The following RBL1 variants were observed in gnomAD, a reference collection of about 807,000 sequenced individuals.
RBL1 encodes RB transcriptional corepressor like 1.
In RBL1, 82 loss-of-function variants were observed where a neutral mutation model predicts 123.0. The observed-to-expected ratio is 0.67, with a 90% confidence interval of 0.56 to 0.80. The LOEUF (loss-of-function observed/expected upper bound fraction) is 0.80. Ranked by LOEUF, RBL1 falls within the 30% of genes least tolerant of loss-of-function variation. The pLI, the probability that RBL1 is intolerant of heterozygous loss-of-function variation, is 0.00. For synonymous variants in RBL1, 405 were observed against 441.3 expected, an observed-to-expected ratio of 0.92 and a Z score of 1.03; for missense variants, 1,171 against 1,299.6, an observed-to-expected ratio of 0.90 and a Z score of 1.52.
intron 13 of RBL1, among the ~76,000 whole-genome samples, chr20:37,042,094 AAGTG>A: frequency 6.6e-6 from 1 of 151,424 alleles, no homozygotes; most frequent in Non-Finnish European, 1.5e-5. Flanking sequence ...AAAAAAAAGA[AAGTG>A]AAAAGACAAC....
intron 12 of RBL1, among the ~76,000 whole-genome samples, chr20:37,044,554 G>C (rs1376177116): frequency 6.6e-6 from 1 of 152,138 alleles, no homozygotes; most frequent in Admixed American, 6.6e-5. Context: ...GGCTAGGCTG[G>C]TCTAGAACTC....
intron 11 of RBL1, among the ~76,000 whole-genome samples, chr20:37,051,098 C>T (rs944176812): frequency 2.6e-5 from 4 of 152,038 alleles, no homozygotes; most frequent in Non-Finnish European, 5.9e-5. Flanking sequence ...TCATACTACA[C>T]AGCATACATA....
At chr20:37,092,582 A>C (rs1381105317) in intron 1 of RBL1, among the ~76,000 whole-genome samples, 1 of 151,992 alleles carries the variant, frequency 6.6e-6, no homozygotes, top group Admixed American at 6.6e-5. Flanking sequence ...CTGGTCTCAA[A>C]CTCCTGGGCT....
intron 2 of RBL1, among the ~76,000 whole-genome samples, chr20:37,081,201 T>C (rs1568889166): frequency 6.6e-6 from 1 of 152,202 alleles, no homozygotes; most frequent in Non-Finnish European, 1.5e-5. Context: ...TCCTTTGTAA[T>C]ATTCCCCCCT....
At chr20:37,043,865 G>A (rs904137645) in intron 13 of RBL1, among the ~76,000 whole-genome samples, 1 of 152,010 alleles carries the variant, frequency 6.6e-6, no homozygotes, top group African/African-American at 2.4e-5. Context: ...AGAAGATTCG[G>A]GGGTAGGGAA....
chr20:37,063,401 C>G (rs1159286609), intron 7 of RBL1, among the ~76,000 whole-genome samples: 1 of 151,962 alleles, frequency 6.6e-6, no homozygotes, highest in Admixed American at 6.6e-5. Flanking sequence ...GTAATCCTAG[C>G]ACTTTGGGAG....
intron 14 of RBL1, among the ~76,000 whole-genome samples, chr20:37,038,725 C>G (rs1473159888): frequency 2.6e-5 from 4 of 151,276 alleles, no homozygotes; most frequent in African/African-American, 9.7e-5. Flanking sequence ...GCCTCAACCT[C>G]CTGAGTAGCT....
intron 21 of RBL1, among the ~76,000 whole-genome samples, chr20:36,999,724 C>T (rs1188896759): frequency 1.3e-5 from 2 of 152,348 alleles, no homozygotes; most frequent in African/African-American, 4.8e-5. Context: ...CAGCTCCTAA[C>T]CGCGAGTGAT....
chr20:37,046,099 GT>G (rs2064815733), intron 12 of RBL1, among the ~76,000 whole-genome samples: 2 of 152,158 alleles, frequency 1.3e-5, no homozygotes, highest in African/African-American at 4.8e-5. Flanking sequence ...AAAAATAAAG[GT>G]AAGGTAAGTA....
In RBL1 at chr20:36,998,353, TA is replaced by T. The variant is rs1568804171; in HGVS notation, c.*405del. 1 of 154,150 alleles carries T rather than the reference TA, an allele frequency of 6.5e-6. No homozygotes were observed. Among genetic ancestry groups the T allele is most frequent in the African/African-American group, 2.4e-5 (1 of 41,456 alleles). The allele number at this position is 154,150 out of a possible 1,614,324, so 9.5% of individuals were successfully genotyped here. A position where few individuals can be genotyped will look rare whatever the true frequency, so the allele number is the denominator to read the frequency against. ...AGCAATTCTGCCTCAGCCTCCCAAG[TA>T]GCTGGGATTACAGGCATGCGCCACC... On this transcript the variant is annotated 3_prime_UTR_variant, in exon 22 of 22. Coordinates refer to ENST00000373664, the MANE Select transcript of RBL1 (RefSeq NM_002895.5).
At chr20:37,017,215 A>C (rs2064270453) in intron 19 of RBL1, among the ~76,000 whole-genome samples, 1 of 151,930 alleles carries the variant, frequency 6.6e-6, no homozygotes, top group African/African-American at 2.4e-5. Context: ...CTCTACAAAA[A>C]ATATAAAAAT....
chr20:37,013,811 C>T (rs1386591390), intron 19 of RBL1, among the ~76,000 whole-genome samples: 1 of 152,114 alleles, frequency 6.6e-6, no homozygotes, highest in Non-Finnish European at 1.5e-5. Context: ...TGTTCTTGAG[C>T]AAATCTTTTC....
chr20:37,060,910 G>C (rs571664372), intron 9 of RBL1, among the ~76,000 whole-genome samples, 193 bp downstream of exon 9: 42 of 152,262 alleles, frequency 2.8e-4, no homozygotes, highest in African/African-American at 9.9e-4. Flanking sequence ...CACTGTGCCT[G>C]ACTGTTATAC....
At chr20:37,005,894 C>CTTTTTTTTTTTTTTTTTTT (rs1013303071) in intron 20 of RBL1, among the ~76,000 whole-genome samples, 22 of 98,132 alleles carry the variant, frequency 2.2e-4, no homozygotes, top group East Asian at 9.3e-4. Context: ...TTTTTTCTTT[C>CTTTTTTTTTTTTTTTTTTT]TTTTTTTTTT....
At chr20:37,022,852 GCAAAA>G in intron 16 of RBL1, 26 bp from the exon 17 acceptor site, 3 of 1,544,878 alleles carry the variant, frequency 1.9e-6, no homozygotes, top group Non-Finnish European at 2.6e-6. Flanking sequence ...ACACATTGAT[GCAAAA>G]CACCAAGTAA....
intron 16 of RBL1, among the ~76,000 whole-genome samples, chr20:37,023,866 C>G (rs766016687): frequency 3.3e-5 from 5 of 150,168 alleles, no homozygotes; most frequent in Non-Finnish European, 1.5e-5. Context: ...GCAACCTCCA[C>G]CTCCGGGCTC....
At chr20:37,040,075 C>G in intron 14 of RBL1, 78 bp downstream of exon 14, 1 of 1,579,810 alleles carries the variant, frequency 6.3e-7, no homozygotes, top group Non-Finnish European at 8.6e-7. Context: ...AACATACTCA[C>G]AAGACTTAAA....
chr20:37,055,606 G>C lies in RBL1; in HGVS notation c.1414C>G (p.Leu472Val). Residue 472 changes from leucine to valine, a missense_variant, in exon 11 of 22, where the codon CTA becomes GTA. Transcript: ENST00000373664. The stretch of plus-strand genomic sequence containing the variant: ...GTTTCCTGAACCATTACAGTCTCTA[G>C]TATTTTATAATACAAAATTTCTGCC... ...KLAEILYYKILETVMVQETRR... is the reference protein window; with the variant it reads ...KLAEILYYKIVETVMVQETRR... 3.7e-6 allele frequency: 6 copies of C among 1,613,838 alleles called. No individual in the cohort carries two copies. The highest frequency in any genetic ancestry group is 5.1e-6 in the Non-Finnish European group (6 of 1,179,968).
At chr20:37,028,843 G>A (rs2064462713) in intron 16 of RBL1, among the ~76,000 whole-genome samples, 1 of 152,168 alleles carries the variant, frequency 6.6e-6, no homozygotes, top group Non-Finnish European at 1.5e-5. Flanking sequence ...AAGGTCAAAT[G>A]TATTTTTTAA....
Sources: gnomAD v4.1 joint callset for allele counts (sites outside exome capture counted in the v4.1 genomes callset) on GRCh38, gnomAD v4.1.1 for gene constraint, MANE v1.5 for transcripts, NCBI Gene and HGNC (gene_info 2026-07-23, HGNC 2026-07-21) for gene names.